The following PDZRN4 variants were observed in gnomAD, a reference collection of about 807,000 sequenced individuals.
The protein encoded by PDZRN4 is PDZ domain-containing RING finger protein 4.
PDZRN4 carries 70 observed loss-of-function variants against 99.0 expected under a neutral mutation model. The observed-to-expected ratio is 0.71, with a 90% CI of 0.58 to 0.86. The LOEUF is 0.86. PDZRN4 is among the 40% of genes least tolerant of loss of function. The pLI, the probability that PDZRN4 is intolerant of heterozygous loss-of-function variation, is 0.00. For missense variants in PDZRN4, 1,474 were observed against 1,331.2 expected (o/e 1.11, Z -1.67); for synonymous variants, 551 against 501.6 (o/e 1.10, Z -1.32).
intron 5 of PDZRN4, among the ~76,000 whole-genome samples, chr12:41,520,664 A>G (rs1938479533): frequency 7.5e-6 from 1 of 134,004 alleles, no homozygotes; most frequent in South Asian, 2.4e-4. Context: ...ACACACACAC[A>G]GCCTCTAACT....
chr12:41,395,581 C>T (rs1952240385), intron 3 of PDZRN4, among the ~76,000 whole-genome samples: 1 of 152,050 alleles, frequency 6.6e-6, no homozygotes. Flanking sequence ...TTGCTTTTTT[C>T]AGTATAAGCT....
At chr12:41,225,867 C>T (rs998385859) in intron 3 of PDZRN4, among the ~76,000 whole-genome samples, 1 of 152,058 alleles carries the variant, frequency 6.6e-6, no homozygotes, top group Non-Finnish European at 1.5e-5. Context: ...ATCATGCCTT[C>T]TCCTATCCTT....
intron 5 of PDZRN4, among the ~76,000 whole-genome samples, chr12:41,527,607 C>T (rs995784091): frequency 3.9e-5 from 6 of 152,156 alleles, no homozygotes; most frequent in Non-Finnish European, 7.3e-5. Flanking sequence ...TTTAAGTCAA[C>T]TGTTATCTTT....
intron 3 of PDZRN4, among the ~76,000 whole-genome samples, chr12:41,377,907 A>T (rs753305366): frequency 1.2e-4 from 19 of 152,202 alleles, no homozygotes; most frequent in Non-Finnish European, 2.6e-4. Context: ...TTTTCTACAT[A>T]TAAGATCATA....
intron 3 of PDZRN4, among the ~76,000 whole-genome samples, chr12:41,402,209 C>T (rs10880072): frequency 0.11 from 100 of 900 alleles, 9 homozygotes; most frequent in African/African-American, 0.28. Flanking sequence ...ACTGAGTATA[C>T]ATATATATAC....
At chr12:41,477,014 G>C (rs898080700) in intron 3 of PDZRN4, among the ~76,000 whole-genome samples, 1 of 152,138 alleles carries the variant, frequency 6.6e-6, no homozygotes, top group Admixed American at 6.6e-5. Flanking sequence ...AAGTCATTTT[G>C]CATGAGCAAC....
At chr12:41,408,592 A>G (rs1440812700) in intron 3 of PDZRN4, among the ~76,000 whole-genome samples, 2 of 152,200 alleles carry the variant, frequency 1.3e-5, no homozygotes, top group Non-Finnish European at 2.9e-5. Flanking sequence ...GAAAGATTAT[A>G]TGGCTTCTCT....
intron 3 of PDZRN4, among the ~76,000 whole-genome samples, chr12:41,492,035 A>G (rs913445921): frequency 6.6e-6 from 1 of 152,192 alleles, no homozygotes; most frequent in Non-Finnish European, 1.5e-5. Flanking sequence ...TATGCTATGA[A>G]TTGATTAGCG....
chr12:41,407,722 AAAC>A lies in PDZRN4; in HGVS notation c.844-98731_844-98729del, dbSNP rs1298601014. On this transcript the variant is annotated intron_variant, in intron 3 of 9. Coordinates refer to ENST00000402685, the MANE Select transcript of PDZRN4 (RefSeq NM_001164595.2). ...TACATGTACAAAAGAGAAAAAAAAA[AAAC>A]AAATGGCATATTAATCAAGCATTTG... is the stretch of plus-strand genomic sequence containing the variant. Among the ~76,000 whole-genome samples the A allele has an allele frequency of 6.4e-3, 947 of 147,770 alleles. 6 individuals carry two copies. Among genetic ancestry groups the A allele is most frequent in the African/African-American group, 0.013 (520 of 40,002 alleles).
rs534863926 is a variant in PDZRN4, at chr12:41,574,316, T to A, written c.*426T>A. On this transcript the variant is annotated 3_prime_UTR_variant, in exon 10 of 10. Coordinates refer to ENST00000402685, the MANE Select transcript of PDZRN4 (RefSeq NM_001164595.2). Reference sequence around the variant, plus strand: ...ATGCTTGTTTCTTGGCATAATACATTTTAAATCAAACCTGTTCGTAATAAA... The same window carrying A: ...ATGCTTGTTTCTTGGCATAATACATATTAAATCAAACCTGTTCGTAATAAA... 6.5e-6 allele frequency: 1 copy of A among 154,080 alleles called. No homozygotes were observed. The highest frequency in any genetic ancestry group is 2.4e-5 in the African/African-American group (1 of 41,600). The allele number at this position is 154,080 out of a possible 1,614,324, so 9.5% of individuals were successfully genotyped here. A position where few individuals can be genotyped will look rare whatever the true frequency, so the allele number is the denominator to read the frequency against.
chr12:41,252,483 C>T (rs149868141), intron 3 of PDZRN4, among the ~76,000 whole-genome samples: 1,597 of 152,298 alleles, frequency 0.01, 20 homozygotes, highest in South Asian at 0.031. Context: ...CGCAGTGGCT[C>T]ATGCCTGTAA....
chr12:41,302,059 C>T (rs960582542), intron 3 of PDZRN4, among the ~76,000 whole-genome samples: 4 of 151,906 alleles, frequency 2.6e-5, no homozygotes, highest in Non-Finnish European at 4.4e-5. Context: ...TTTCATATAA[C>T]ATTTGTGTAT....
intron 4 of PDZRN4, among the ~76,000 whole-genome samples, chr12:41,508,439 C>A (rs760135503): frequency 4.6e-5 from 7 of 152,272 alleles, no homozygotes; most frequent in Middle Eastern, 3.4e-3. Flanking sequence ...ATTAATAGGG[C>A]AGAATTGGAT....
chr12:41,461,671 T>A (rs1182839278), intron 3 of PDZRN4, among the ~76,000 whole-genome samples: 1 of 152,170 alleles, frequency 6.6e-6, no homozygotes, highest in African/African-American at 2.4e-5. Flanking sequence ...GATTCTTCCC[T>A]TATTTCTTTA....
intron 3 of PDZRN4, among the ~76,000 whole-genome samples, chr12:41,240,998 T>C (rs1951098276): frequency 6.6e-6 from 1 of 152,150 alleles, no homozygotes; most frequent in African/African-American, 2.4e-5. Flanking sequence ...TTTAGAGTGG[T>C]AAAACTTCAG....
At chr12:41,370,448 A>T (rs1376480266) in intron 3 of PDZRN4, among the ~76,000 whole-genome samples, 1 of 152,042 alleles carries the variant, frequency 6.6e-6, no homozygotes, top group East Asian at 1.9e-4. Flanking sequence ...AAAGTCTTTT[A>T]TCAGTCAAAT....
chr12:41,419,406 C>T (rs1359514280), intron 3 of PDZRN4, among the ~76,000 whole-genome samples: 4 of 152,120 alleles, frequency 2.6e-5, no homozygotes, highest in Non-Finnish European at 4.4e-5. Context: ...GACCCAAGTG[C>T]CCCTCAGACA....
At chr12:41,226,988 G>A (rs1047624616) in intron 3 of PDZRN4, among the ~76,000 whole-genome samples, 1 of 152,050 alleles carries the variant, frequency 6.6e-6, no homozygotes, top group African/African-American at 2.4e-5. Flanking sequence ...TGCAGTTGCA[G>A]GATATCCCAA....
At chr12:41,314,598 A>G (rs1318652711) in intron 3 of PDZRN4, among the ~76,000 whole-genome samples, 1 of 152,182 alleles carries the variant, frequency 6.6e-6, no homozygotes, top group East Asian at 1.9e-4. Flanking sequence ...AAGAAGGAAG[A>G]GGGCAATTTC....
Sources: gnomAD v4.1 joint callset for allele counts (sites outside exome capture counted in the v4.1 genomes callset) on GRCh38, gnomAD v4.1.1 for gene constraint, MANE v1.5 for transcripts, NCBI Gene and HGNC (gene_info 2026-07-23, HGNC 2026-07-21) for gene names.